TCF21: variants seen among roughly 807,000 people sequenced by gnomAD.
TCF21 encodes capsulin.
TCF21 carries 3 observed loss-of-function variants against 13.5 expected under a neutral mutation model. The observed-to-expected ratio is 0.22, with a 90% CI of 0.10 to 0.57. TCF21 has a LOEUF of 0.57. Among genes scored for constraint, TCF21 ranks in the 20% least tolerant of loss-of-function variants. The probability of loss-of-function intolerance (pLI) is 0.92; values close to 1 mark genes in which losing one functional copy is unlikely to be tolerated. For synonymous variants in TCF21, 92 were observed against 101.7 expected (o/e 0.90, Z 0.57); for missense variants, 181 against 238.4 (o/e 0.76, Z 1.59).
At chr6:133,893,787 C>CATGAAGGG (rs1295704863), downstream of TCF21, 3 of 152,198 alleles carry the variant, frequency 2.0e-5, no homozygotes, top group African/African-American at 7.2e-5. Context: ...TCATGGCTAT[C>CATGAAGGG]TATAGTTCCC....
chr6:133,893,515 C>A (rs750426182), downstream of TCF21: 2 of 152,188 alleles, frequency 1.3e-5, no homozygotes, highest in Non-Finnish European at 2.9e-5. Flanking sequence ...GAGTCCCGTT[C>A]CTCAAATTCA....
At position 133,889,606 on chromosome 6, in the gene TCF21, G is replaced by A; in HGVS notation, c.209G>A (p.Ser70Asn). The A allele has an allele frequency of 1.2e-6, 2 of 1,613,792 alleles. No homozygotes were observed. Among genetic ancestry groups the A allele is most frequent in the Admixed American group, 1.7e-5 (1 of 60,006 alleles). ...GCGCCCACCAAGAAGAGCCCCCTGA[G>A]CGGGGTCAGCCAGGAGGGGAAGCAG... ...RKAPTKKSPL[S>N]GVSQEGKQVQ... Residue 70 changes from serine to asparagine, a missense_variant, in exon 1 of 2, where the codon AGC (serine) becomes AAC (asparagine). By Grantham distance (46) the Ser-to-Asn change is conservative. Transcript: ENST00000367882. This position sits in a 1 kb window ranked among gnomAD's most constrained non-coding sequence, Gnocchi z 5.1.
intron 1 of TCF21, 140 bp from the exon 2 acceptor site, chr6:133,891,573 G>A: frequency 1.1e-6 from 1 of 905,536 alleles, no homozygotes; most frequent in Non-Finnish European, 1.7e-6. Flanking sequence ...GCTAGGACCG[G>A]GAGTAAATTG....
rs887103641 is a variant in TCF21 at position 133,889,131 on chromosome 6, T to C, written c.-267T>C. ...ATTCCTCAGCGCTCGCTCACCCTCC[T>C]CTACGGCCACGACTCTGGGAGTGGG... On this transcript the variant is annotated 5_prime_UTR_variant, in exon 1 of 2. Coordinates refer to ENST00000367882, the MANE Select transcript of TCF21 (RefSeq NM_003206.4). This position sits in a 1 kb window ranked among gnomAD's most constrained non-coding sequence, Gnocchi z 5.1. The C allele has an allele frequency of 5.7e-5, 31 of 543,898 alleles. No homozygotes were observed. The highest frequency in any genetic ancestry group is 5.5e-4 in the African/African-American group (29 of 52,622). The allele number at this position is 543,898 out of a possible 1,614,324, so 33.7% of individuals were successfully genotyped here.
downstream of TCF21, chr6:133,895,386 G>A (rs996783262): frequency 9.9e-5 from 15 of 152,212 alleles, no homozygotes; most frequent in Non-Finnish European, 7.3e-5. Flanking sequence ...AAATATTTCA[G>A]AGGAGAATTT....
At position 133,889,462 on chromosome 6, in the gene TCF21, G is replaced by T. The variant is rs56412384; in HGVS notation, c.65G>T (p.Gly22Val). The change falls in exon 1 of 2, where the codon GGG becomes GTG. Residue 22 changes from glycine (G) to valine (V), a missense_variant. Around this residue, in one of 3 missense-constraint regions of TCF21, gnomAD observed 91 missense variants for 98.5 expected, o/e 0.92. Transcript: ENST00000367882. This position sits in a 1 kb window ranked among gnomAD's most constrained non-coding sequence, Gnocchi z 5.1. ...GAGGTGGAGATGTTGGAATGTGACG[G>T]GTTGAAAATGGATTCGAACAAGGAA... ...LQEVEMLECD[G>V]LKMDSNKEFV... is the part of the protein sequence containing the mutation. The T allele has an allele frequency of 0.01, 16,610 of 1,614,072 alleles. 1,198 individuals carry two copies. The African/African-American group carries it at 0.18, about 17-fold the overall frequency.
rs1367941957 is a variant in TCF21 at position 133,889,820 on chromosome 6, G to A, written c.423G>A (p.Glu141=). 6.2e-7 allele frequency: 1 copy of A among 1,612,940 alleles called. No homozygotes were observed. ...AGATCCTGGCTAACGACAAATACGAGAACGGGTACATTCACCCGGTCAACC... is the reference window on the plus strand; with the variant it reads ...AGATCCTGGCTAACGACAAATACGAAAACGGGTACATTCACCCGGTCAACC... ...LRQILANDKY[E]NGYIHPVNLT... Residue 141 remains glutamate, a synonymous_variant, in exon 1 of 2, where the codon GAG becomes GAA. Coordinates refer to ENST00000367882, the MANE Select transcript of TCF21 (RefSeq NM_003206.4). The surrounding 1 kb of genome is among the most constrained non-coding windows in gnomAD (Gnocchi z 5.1).
chr6:133,891,893 T>C lies in TCF21; in HGVS notation c.*91T>C, dbSNP rs1319969591. On this transcript the variant is annotated 3_prime_UTR_variant, in exon 2 of 2. Transcript: ENST00000367882. ...TGCCCTCAGTGCTCTCTGTCTCTGC[T>C]TCCCCCTCGCAATGCTCCTCTCTCT... 2.2e-6 allele frequency: 3 copies of C among 1,346,856 alleles called. No homozygotes were observed. Among genetic ancestry groups the C allele is most frequent in the Non-Finnish European group, 3.1e-6 (3 of 964,606 alleles). The allele number at this position is 1,346,856 out of a possible 1,614,324, so 83.4% of individuals were successfully genotyped here.
chr6:133,890,959 T>C (rs1479345649), intron 1 of TCF21, among the ~76,000 whole-genome samples: 2 of 152,212 alleles, frequency 1.3e-5, no homozygotes, highest in African/African-American at 4.8e-5. Context: ...AATCTCCACC[T>C]AAAATGAAAG....
chr6:133,889,858 C>T lies in TCF21; in HGVS notation c.450+11C>T, dbSNP rs1775178856. On this transcript the variant is annotated intron_variant, in intron 1 of 1. Transcript: ENST00000367882. This position sits in a 1 kb window ranked among gnomAD's most constrained non-coding sequence, Gnocchi z 5.1. ...CACCCGGTCAACCTGGTGAGTGCTC[C>T]CGGGGCTGCAGCTGCAGTCCAGGCG... 1 of 1,612,624 alleles carries T rather than the reference C, an allele frequency of 6.2e-7. No individual in the cohort carries two copies. Among genetic ancestry groups the T allele is most frequent in the Non-Finnish European group, 8.5e-7 (1 of 1,179,744 alleles).
In TCF21 at chr6:133,889,877, C is replaced by A. The variant is rs543421981; in HGVS notation, c.450+30C>A. 3.7e-6 allele frequency: 6 copies of A among 1,611,122 alleles called. No homozygotes were observed. Among genetic ancestry groups the A allele is most frequent in the East Asian group, 2.2e-5 (1 of 44,846 alleles). ...GTGCTCCCGGGGCTGCAGCTGCAGTCCAGGCGCGCCCGCACTCCCGCCTGC... is the reference window on the plus strand; with the variant it reads ...GTGCTCCCGGGGCTGCAGCTGCAGTACAGGCGCGCCCGCACTCCCGCCTGC... On this transcript the variant is annotated intron_variant, in intron 1 of 1. Transcript: ENST00000367882. The surrounding 1 kb of genome is among the most constrained non-coding windows in gnomAD (Gnocchi z 5.1).
intron 1 of TCF21, 136 bp from the exon 2 acceptor site, chr6:133,891,577 T>G: frequency 1.1e-6 from 1 of 939,936 alleles, no homozygotes; most frequent in East Asian, 2.6e-5. Flanking sequence ...GGACCGGGAG[T>G]AAATTGCAGA....
In TCF21 at chr6:133,892,240, T is replaced by C. The variant is rs1050281646; in HGVS notation, c.*438T>C. ...TTTTGCTACTTTTGAAAATAAATCT[T>C]TCTTTATATTGCTAAAAGCTCTGAT... On this transcript the variant is annotated 3_prime_UTR_variant, in exon 2 of 2. Coordinates refer to ENST00000367882, the MANE Select transcript of TCF21 (RefSeq NM_003206.4). The C allele has an allele frequency of 6.5e-6, 1 of 152,780 alleles. No homozygotes were observed. Among genetic ancestry groups the C allele is most frequent in the Non-Finnish European group, 1.5e-5 (1 of 68,456 alleles). 9.5% of individuals were successfully genotyped at this position (152,780 alleles called of 1,614,324 possible). A position where few individuals can be genotyped will look rare whatever the true frequency, so the allele number is the denominator to read the frequency against.
rs1310309467 is a variant in TCF21, at chr6:133,891,714, C to T, written c.452C>T (p.Thr151Met). ...ENGYIHPVNLTWPFMVAGKPE... is the reference protein window; with the variant it reads ...ENGYIHPVNLMWPFMVAGKPE... Reference sequence around the variant, plus strand: ...CCTCCACCCTCTTCTTTCCCGCAGACGTGGCCCTTTATGGTGGCCGGGAAA... The same window carrying T: ...CCTCCACCCTCTTCTTTCCCGCAGATGTGGCCCTTTATGGTGGCCGGGAAA... The change falls in exon 2 of 2, where the codon ACG becomes ATG. Residue 151 changes from threonine (T) to methionine (M), a missense_variant and splice_region_variant. By Grantham distance (81) the Thr-to-Met change is moderately conservative. This residue lies in a region of TCF21 where 55 missense variants were observed against 59.5 expected (regional missense o/e 0.92). Transcript: ENST00000367882. 5 of 1,607,600 alleles carry T rather than the reference C, an allele frequency of 3.1e-6. No individual in the cohort carries two copies. The highest frequency in any genetic ancestry group is 4.3e-6 in the Non-Finnish European group (5 of 1,176,274).
rs1190015836 is a variant in TCF21 at position 133,891,831 on chromosome 6, C to A, written c.*29C>A. On this transcript the variant is annotated 3_prime_UTR_variant, in exon 2 of 2. Coordinates refer to ENST00000367882, the MANE Select transcript of TCF21 (RefSeq NM_003206.4). ...TGGAGGTGCGAGTCTGGGAAAGGCG[C>A]GCTCCCGGGGGGAGCGGGCCCCGGG... 1.2e-6 allele frequency: 2 copies of A among 1,612,262 alleles called. No individual in the cohort carries two copies. Among genetic ancestry groups the A allele is most frequent in the Middle Eastern group, 1.7e-4 (1 of 6,004 alleles).
chr6:133,889,263 CCA>C lies in TCF21; in HGVS notation c.-134_-133del. ...CCCAACCAGACCCCAACTCCAGCTCCCAGCAGGAGGTGGCTGCGCCACACTCG... is the reference window on the plus strand; with the variant it reads ...CCCAACCAGACCCCAACTCCAGCTCCGCAGGAGGTGGCTGCGCCACACTCG... On this transcript the variant is annotated 5_prime_UTR_variant, in exon 1 of 2. Coordinates refer to ENST00000367882, the MANE Select transcript of TCF21 (RefSeq NM_003206.4). The surrounding 1 kb of genome is among the most constrained non-coding windows in gnomAD (Gnocchi z 5.1). The C allele has an allele frequency of 8.6e-7, 1 of 1,162,622 alleles. No individual in the cohort carries two copies. Among genetic ancestry groups the C allele is most frequent in the Non-Finnish European group, 1.3e-6 (1 of 789,914 alleles). 72.0% of individuals were successfully genotyped at this position (1,162,622 alleles called of 1,614,324 possible). A position where few individuals can be genotyped will look rare whatever the true frequency, so the allele number is the denominator to read the frequency against.
chr6:133,891,549 C>A, intron 1 of TCF21, 164 bp from the exon 2 acceptor site: 1 of 757,198 alleles, frequency 1.3e-6, no homozygotes. Context: ...TTGCTTTATG[C>A]AGCCGCAGGG....
Position 133,889,518 on chromosome 6 carries a change from A to T in TCF21, c.121A>T (p.Ser41Cys), listed in dbSNP as rs754075638. 1 of 1,613,592 alleles carries T rather than the reference A, an allele frequency of 6.2e-7. No individual in the cohort carries two copies. The highest frequency in any genetic ancestry group is 1.3e-5 in the African/African-American group (1 of 74,756). Residue 41 changes from serine (S) to cysteine (C), a missense_variant, in exon 1 of 2, where the codon AGC (serine) becomes TGC (cysteine). Physicochemically the swap from Ser to Cys is moderately radical, Grantham distance 112 (BLOSUM62 -1). Around this residue, in one of 3 missense-constraint regions of TCF21, gnomAD observed 91 missense variants for 98.5 expected, o/e 0.92. Transcript: ENST00000367882. This position sits in a 1 kb window ranked among gnomAD's most constrained non-coding sequence, Gnocchi z 5.1. Reference sequence around the variant, plus strand: ...GACTTCCAACGAGAGCACCGAGGAGAGCTCCAACTGCGAGAATGGGTCTCC... The same window carrying T: ...GACTTCCAACGAGAGCACCGAGGAGTGCTCCAACTGCGAGAATGGGTCTCC... The part of the protein sequence containing the change: ...FVTSNESTEE[S>C]SNCENGSPQK...
intron 1 of TCF21, among the ~76,000 whole-genome samples, chr6:133,890,409 A>G (rs143690136): frequency 4.6e-5 from 7 of 152,324 alleles, no homozygotes; most frequent in East Asian, 3.9e-4. Context: ...TGCTTCTCCT[A>G]TAAGTGGATT....
Sources: allele counts gnomAD v4.1 joint callset (sites outside exome capture counted in the v4.1 genomes callset), GRCh38; gene constraint gnomAD v4.1.1; regional missense constraint gnomAD v4.1.1; non-coding constraint Gnocchi (gnomAD v3.1); transcripts MANE v1.5; gene names NCBI Gene and HGNC (gene_info 2026-07-23, HGNC 2026-07-21).